The following CTNNA3 variants were observed in gnomAD, a reference collection of about 807,000 sequenced individuals.
The protein encoded by CTNNA3 is catenin alpha 3, also known as catenin alpha-3.
CTNNA3 carries 76 observed loss-of-function variants against 95.7 expected under a neutral mutation model. That is an observed-to-expected ratio of 0.79 (90% CI 0.66 to 0.96). The LOEUF is 0.96. CTNNA3 is among the 40% of genes least tolerant of loss of function. The pLI is 0.00. For synonymous variants in CTNNA3, 431 were observed against 374.4 expected, an observed-to-expected ratio of 1.15 and a Z score of -1.74; for missense variants, 1,191 against 1,089.8, an observed-to-expected ratio of 1.09 and a Z score of -1.31.
At chr10:66,742,673 A>G (rs775059770) in intron 9 of CTNNA3, among the ~76,000 whole-genome samples, 1 of 152,156 alleles carries the variant, frequency 6.6e-6, no homozygotes, top group African/African-American at 2.4e-5. Context: ...ACCGGCTGAC[A>G]CTTAGGGAAT....
chr10:66,115,612 G>T (rs901583765), intron 13 of CTNNA3, among the ~76,000 whole-genome samples: 2 of 151,646 alleles, frequency 1.3e-5, no homozygotes, highest in Admixed American at 6.6e-5. Context: ...TAGAGATAGA[G>T]ATAGAGATAG....
chr10:66,763,221 TTC>T (rs1185205344), intron 9 of CTNNA3, among the ~76,000 whole-genome samples: 2 of 152,052 alleles, frequency 1.3e-5, no homozygotes, highest in Non-Finnish European at 2.9e-5. Flanking sequence ...ACTGATGATT[TTC>T]TCTGTTGCTT....
At chr10:67,619,956 C>T (rs1487297871) in intron 2 of CTNNA3, among the ~76,000 whole-genome samples, 1 of 151,752 alleles carries the variant, frequency 6.6e-6, no homozygotes, top group African/African-American at 2.4e-5. Flanking sequence ...AGTCTTGATT[C>T]CCATGAGGCT....
At chr10:65,957,857 G>C (rs1162037382) in intron 17 of CTNNA3, among the ~76,000 whole-genome samples, 1 of 152,020 alleles carries the variant, frequency 6.6e-6, no homozygotes, top group Non-Finnish European at 1.5e-5. Flanking sequence ...TGACAATTAT[G>C]TGTCTTGGAA....
chr10:66,781,091 T>C (rs1239128326), intron 7 of CTNNA3, among the ~76,000 whole-genome samples: 1 of 136,562 alleles, frequency 7.3e-6, no homozygotes, highest in Non-Finnish European at 1.5e-5. Context: ...TTATGAAGCC[T>C]CAAACACTAA....
At chr10:67,724,155 T>A (rs1020916938) in intron 1 of CTNNA3, among the ~76,000 whole-genome samples, 12 of 152,342 alleles carry the variant, frequency 7.9e-5, no homozygotes, top group African/African-American at 2.9e-4. Context: ...CTCCCTGGTG[T>A]TACCACCCAG....
chr10:67,226,075 A>G (rs1469824951), intron 5 of CTNNA3, among the ~76,000 whole-genome samples: 2 of 152,220 alleles, frequency 1.3e-5, no homozygotes, highest in African/African-American at 2.4e-5. Context: ...GTAATGCAAG[A>G]AGCTCTGGAA....
intron 12 of CTNNA3, among the ~76,000 whole-genome samples, chr10:66,328,360 T>C (rs1485003446): frequency 2.0e-5 from 3 of 152,064 alleles, no homozygotes; most frequent in African/African-American, 7.2e-5. Flanking sequence ...ATTTAAATGT[T>C]AGATTAAGTA....
intron 11 of CTNNA3, among the ~76,000 whole-genome samples, chr10:66,479,978 A>ACACACACACCCC (rs1427904243): frequency 2.0e-5 from 3 of 151,332 alleles, no homozygotes; most frequent in African/African-American, 7.3e-5. Context: ...ACACACACAC[A>ACACACACACCCC]CCCCAGAACT....
intron 17 of CTNNA3, among the ~76,000 whole-genome samples, chr10:65,937,068 C>T (rs1423539202): frequency 1.3e-5 from 2 of 151,956 alleles, no homozygotes; most frequent in Non-Finnish European, 2.9e-5. Flanking sequence ...TTACAGTAGC[C>T]TCCAAATCTG....
At chr10:67,409,151 T>A (rs1845268839) in intron 5 of CTNNA3, among the ~76,000 whole-genome samples, 1 of 152,108 alleles carries the variant, frequency 6.6e-6, no homozygotes, top group Non-Finnish European at 1.5e-5. Context: ...TGTAAGTTAG[T>A]TTAACCATTG....
At chr10:65,985,065 TA>T (rs2078400314) in intron 16 of CTNNA3, among the ~76,000 whole-genome samples, 1 of 151,242 alleles carries the variant, frequency 6.6e-6, no homozygotes, top group East Asian at 1.9e-4. Context: ...TTAGGAATGT[TA>T]TTAAACAGTT....
chr10:65,953,440 G>C (rs1389480245), intron 17 of CTNNA3, among the ~76,000 whole-genome samples: 19 of 150,732 alleles, frequency 1.3e-4, no homozygotes, highest in Admixed American at 1.1e-3. Flanking sequence ...CAATGTGCAG[G>C]TTTGTTACAT....
At chr10:67,622,917 C>G (rs1234936537) in intron 2 of CTNNA3, among the ~76,000 whole-genome samples, 3 of 152,112 alleles carry the variant, frequency 2.0e-5, no homozygotes, top group Non-Finnish European at 4.4e-5. Flanking sequence ...ACTTATTAAG[C>G]CTTAAGCCTA....
At chr10:67,744,184 C>T (rs1218362813) in intron 1 of CTNNA3, among the ~76,000 whole-genome samples, 2 of 151,090 alleles carry the variant, frequency 1.3e-5, no homozygotes, top group South Asian at 2.1e-4. Context: ...AAAAAGAGCC[C>T]GCATCAGCAA....
chr10:66,641,003 T>C (rs976550724), intron 9 of CTNNA3, among the ~76,000 whole-genome samples: 3 of 152,182 alleles, frequency 2.0e-5, no homozygotes, highest in African/African-American at 4.8e-5. Context: ...AAATTGATTG[T>C]TATTTGCAGC....
chr10:67,720,675 TG>T (rs1370617496), intron 1 of CTNNA3, among the ~76,000 whole-genome samples: 1 of 152,120 alleles, frequency 6.6e-6, no homozygotes, highest in African/African-American at 2.4e-5. Context: ...GAATGTTAGC[TG>T]GGCATGGTGG....
At chr10:66,987,825 T>G (rs1445960876) in intron 7 of CTNNA3, among the ~76,000 whole-genome samples, 1 of 152,202 alleles carries the variant, frequency 6.6e-6, no homozygotes, top group African/African-American at 2.4e-5. Flanking sequence ...TGATCCAGAT[T>G]TAAGATTTAA....
chr10:66,001,810 G>T (rs911375234), intron 15 of CTNNA3, among the ~76,000 whole-genome samples: 2 of 151,748 alleles, frequency 1.3e-5, no homozygotes, highest in Admixed American at 6.6e-5. Flanking sequence ...TACAATACTT[G>T]CCAGATAACA....
Sources: gnomAD v4.1 joint callset for allele counts (sites outside exome capture counted in the v4.1 genomes callset) on GRCh38, gnomAD v4.1.1 for gene constraint, MANE v1.5 for transcripts, NCBI Gene and HGNC (gene_info 2026-07-23, HGNC 2026-07-21) for gene names.